Variants in ZNF423 observed in about 807,000 individuals in gnomAD.
The protein encoded by ZNF423 is zinc finger protein 423, also known as Ebf-associated zinc finger protein.
Under a neutral mutation model 95.8 loss-of-function variants are expected in ZNF423, and 12 were observed. The observed-to-expected ratio is 0.13, with a 90% confidence interval of 0.08 to 0.20. The LOEUF (loss-of-function observed/expected upper bound fraction) is 0.20. Ranked by LOEUF, ZNF423 falls within the 10% of genes least tolerant of loss-of-function variation. The pLI, the probability that ZNF423 is intolerant of heterozygous loss-of-function variation, is 1.00. For synonymous variants in ZNF423, 749 were observed against 711.9 expected (o/e 1.05, Z -0.83); for missense variants, 1,316 against 1,737.1 (o/e 0.76, Z 4.31).
rs1241938112 is a variant in ZNF423 at position 49,636,899 on chromosome 16, G to A, written c.2277C>T (p.Arg759=). The change falls in exon 4 of 8, where the codon CGC becomes CGT. Residue 759 remains arginine (R), a synonymous_variant. Transcript: ENST00000563137. This position sits in a 1 kb window ranked among gnomAD's most constrained non-coding sequence, Gnocchi z 8.6. ...GGAAGTCCCAGTTGCAGGCCGTGCA[G>A]CGGTACATCTTCTTCTCATTGCTGT... ...VKHSNEKKMY[R]CTACNWDFRK... The A allele has an allele frequency of 1.2e-6, 2 of 1,613,982 alleles. No individual in the cohort carries two copies. Among genetic ancestry groups the A allele is most frequent in the Non-Finnish European group, 1.7e-6 (2 of 1,180,040 alleles).
chr16:49,523,307 A>T (rs1968473709), intron 7 of ZNF423, among the ~76,000 whole-genome samples: 1 of 152,254 alleles, frequency 6.6e-6, no homozygotes, highest in Admixed American at 6.5e-5. Context: ...ACCAAAGCTC[A>T]GTGAAATATC....
chr16:49,641,382 G>A (rs1972970783), intron 3 of ZNF423, among the ~76,000 whole-genome samples: 1 of 152,186 alleles, frequency 6.6e-6, no homozygotes, highest in Non-Finnish European at 1.5e-5. Context: ...GATCTCCTTG[G>A]AGCCTGCCTT....
chr16:49,824,956 G>A (rs942702801), intron 1 of ZNF423, among the ~76,000 whole-genome samples: 4 of 152,252 alleles, frequency 2.6e-5, no homozygotes, highest in East Asian at 3.9e-4. Flanking sequence ...TAAATATTAC[G>A]TGGAAATTAC....
rs1364267900 is a variant in ZNF423, at chr16:49,664,384, G to C, written c.302-25510C>G. The C allele has an allele frequency of 6.7e-6, 5 of 748,896 alleles. No individual in the cohort carries two copies. The African/African-American group carries it at 7.6e-5, about 11-fold the overall frequency. The allele number at this position is 748,896 out of a possible 1,614,324, so 46.4% of individuals were successfully genotyped here. On this transcript the variant is annotated intron_variant, in intron 3 of 7. Coordinates refer to ENST00000563137, the MANE Select transcript of ZNF423 (RefSeq NM_001379286.1). Reference sequence around the variant, plus strand: ...AAAGGGGCTGGGAAAAGGCACAGATGGGGAGGGAGAGGACAGAGGAGGCCC... The same window carrying C: ...AAAGGGGCTGGGAAAAGGCACAGATCGGGAGGGAGAGGACAGAGGAGGCCC...
At chr16:49,664,285 C>CGGCGGAGAAG in intron 3 of ZNF423, 1 of 985,728 alleles carries the variant, frequency 1.0e-6, no homozygotes, top group Non-Finnish European at 1.2e-6. Flanking sequence ...AAGGATGGGC[C>CGGCGGAGAAG]GAGGGTGTGC....
chr16:49,582,530 G>A (rs9938973), intron 5 of ZNF423, among the ~76,000 whole-genome samples: 20,331 of 152,230 alleles, frequency 0.13, 2,112 homozygotes, highest in African/African-American at 0.28. Flanking sequence ...GAAGTCCACA[G>A]TGCAAACCTA....
At chr16:49,694,414 G>T (rs1457466188) in intron 3 of ZNF423, among the ~76,000 whole-genome samples, 1 of 152,156 alleles carries the variant, frequency 6.6e-6, no homozygotes, top group Non-Finnish European at 1.5e-5. Context: ...ATTGCTAGGG[G>T]CACTAGCAGT....
intron 2 of ZNF423, among the ~76,000 whole-genome samples, chr16:49,772,186 C>T (rs1229163421): frequency 2.0e-5 from 3 of 152,150 alleles, no homozygotes; most frequent in East Asian, 3.9e-4. Context: ...AGGCTGAAGG[C>T]GCAAGAAACA....
At position 49,766,502 on chromosome 16, in the gene ZNF423, G is replaced by A. The variant is rs999585377; in HGVS notation, c.100+22985C>T. On this transcript the variant is annotated intron_variant, in intron 2 of 7. Transcript: ENST00000563137. ...CCCTCCTTCAGACATCCTCACCCAC[G>A]CTTTTTCCAAGCCTGTGACCTTCAG... 5.3e-5 allele frequency among the ~76,000 whole-genome samples: 8 copies of A among 152,340 alleles called. No homozygotes were observed. The South Asian group carries it at 1.2e-3, about 24-fold the overall frequency.
At chr16:49,502,509 C>A (rs1967448630) in intron 7 of ZNF423, among the ~76,000 whole-genome samples, 1 of 152,020 alleles carries the variant, frequency 6.6e-6, no homozygotes, top group African/African-American at 2.4e-5. Flanking sequence ...ACACGGCTGT[C>A]TCGGGGGTTG....
At chr16:49,815,892 ATATATATATATATATATATATATT>A (rs2034837912) in intron 1 of ZNF423, among the ~76,000 whole-genome samples, 2 of 41,076 alleles carry the variant, frequency 4.9e-5, no homozygotes, top group African/African-American at 2.1e-4. Flanking sequence ...ATATATATAT[ATATATATATATATATATATATATT>A]TTTTTTTTTT....
At chr16:49,734,303 C>T (rs1212584735) in intron 2 of ZNF423, among the ~76,000 whole-genome samples, 2 of 152,250 alleles carry the variant, frequency 1.3e-5, no homozygotes, top group Non-Finnish European at 2.9e-5. Context: ...TGTCCTGAGT[C>T]TGGACATCAC....
chr16:49,785,089 G>A (rs1286335975), intron 2 of ZNF423, among the ~76,000 whole-genome samples: 1 of 151,822 alleles, frequency 6.6e-6, no homozygotes, highest in Non-Finnish European at 1.5e-5. Context: ...TTATTTCAGA[G>A]GCAGGCAGGC....
At chr16:49,513,743 C>T (rs1597028896) in intron 7 of ZNF423, among the ~76,000 whole-genome samples, 4 of 152,098 alleles carry the variant, frequency 2.6e-5, no homozygotes, top group South Asian at 2.1e-4. Context: ...TTGGTGTAGA[C>T]GTAGTGACTT....
At chr16:49,529,561 T>C (rs1371519852) in intron 5 of ZNF423, among the ~76,000 whole-genome samples, 9 of 152,162 alleles carry the variant, frequency 5.9e-5, no homozygotes. Context: ...AAGAGCATCG[T>C]GCCGAGATGA....
At chr16:49,789,845 G>T (rs1454136800) in intron 1 of ZNF423, among the ~76,000 whole-genome samples, 2 of 152,158 alleles carry the variant, frequency 1.3e-5, no homozygotes, top group Admixed American at 6.5e-5. Context: ...AACCAATAAG[G>T]TTGCTCTCAG....
intron 5 of ZNF423, among the ~76,000 whole-genome samples, chr16:49,583,670 G>T (rs868836652): frequency 2.0e-5 from 3 of 152,130 alleles, no homozygotes; most frequent in Admixed American, 1.3e-4. Context: ...ATTACCCAGG[G>T]AGAAAGGGTG....
intron 3 of ZNF423, among the ~76,000 whole-genome samples, chr16:49,687,699 G>C (rs752019897): frequency 6.6e-6 from 1 of 152,208 alleles, no homozygotes; most frequent in African/African-American, 2.4e-5. Flanking sequence ...GTCATGTGGA[G>C]AGAGGGGAGA....
At chr16:49,633,731 C>G (rs909398423) in intron 4 of ZNF423, among the ~76,000 whole-genome samples, 1 of 152,114 alleles carries the variant, frequency 6.6e-6, no homozygotes, top group African/African-American at 2.4e-5. Flanking sequence ...CCATGCTCAG[C>G]CCCTGGAGGG....
Sources: gnomAD v4.1 joint callset for allele counts (sites outside exome capture counted in the v4.1 genomes callset) on GRCh38, gnomAD v4.1.1 for gene constraint, Gnocchi (gnomAD v3.1) non-coding constraint, MANE v1.5 for transcripts, NCBI Gene and HGNC (gene_info 2026-07-23, HGNC 2026-07-21) for gene names.